The following GOLGA1 variants were observed in gnomAD, a reference collection of about 807,000 sequenced individuals.
GOLGA1 encodes the protein golgin A1, also known as golgin subfamily A member 1.
GOLGA1 carries 63 observed loss-of-function variants against 119.7 expected under a neutral mutation model. That is an observed-to-expected ratio of 0.53 (90% confidence interval 0.43 to 0.65). GOLGA1 has a LOEUF of 0.65. Ranked by LOEUF, GOLGA1 falls within the 30% of genes least tolerant of loss-of-function variation. GOLGA1 has a pLI of 0.00. For synonymous variants in GOLGA1, 318 were observed against 333.4 expected (o/e 0.95, Z 0.50); for missense variants, 798 against 912.8 (o/e 0.87, Z 1.62).
chr9:124,918,010 G>A (rs1221190023), intron 10 of GOLGA1, among the ~76,000 whole-genome samples: 2 of 152,064 alleles, frequency 1.3e-5, no homozygotes, highest in African/African-American at 4.8e-5. Flanking sequence ...GTGCCACCAT[G>A]CCCAGCTAAT....
intron 13 of GOLGA1, 97 bp from the exon 14 acceptor site, chr9:124,899,575 A>C: frequency 5.8e-6 from 7 of 1,207,074 alleles, no homozygotes; most frequent in Non-Finnish European, 7.0e-6. Context: ...ATCCAACAGA[A>C]ACAACTCTCT....
chr9:124,894,380 T>TTGTGTGTGTGTG (rs35289660), intron 15 of GOLGA1, among the ~76,000 whole-genome samples: 1 of 147,722 alleles, frequency 6.8e-6, no homozygotes, highest in Non-Finnish European at 1.5e-5. Flanking sequence ...ATTTAAAGTT[T>TTGTGTGTGTGTG]TGTGTGTGTG....
chr9:124,886,265 G>A (rs1176087266), intron 19 of GOLGA1, among the ~76,000 whole-genome samples: 1 of 152,212 alleles, frequency 6.6e-6, no homozygotes, highest in Non-Finnish European at 1.5e-5. Context: ...AGGGCGCACA[G>A]TGCAGAGAAG....
chr9:124,930,922 G>A (rs1215887151), intron 4 of GOLGA1, among the ~76,000 whole-genome samples: 7 of 152,198 alleles, frequency 4.6e-5, no homozygotes, highest in Non-Finnish European at 1.0e-4. Context: ...GCTGCAGGAA[G>A]TGGCAACACA....
chr9:124,943,807 A>G (rs566974382), upstream of GOLGA1: 9 of 152,300 alleles, frequency 5.9e-5, no homozygotes, highest in African/African-American at 1.7e-4. Flanking sequence ...GGGAAACTCA[A>G]CCTTCCAATG....
At chr9:124,890,298 C>A (rs1352276051) in intron 16 of GOLGA1, 91 bp downstream of exon 16, 40 of 875,080 alleles carry the variant, frequency 4.6e-5, no homozygotes, top group Non-Finnish European at 7.4e-5. Context: ...CCTGGAGAGA[C>A]AGGCCCTCTC....
chr9:124,927,439 G>A (rs1830695846), intron 6 of GOLGA1, among the ~76,000 whole-genome samples: 1 of 152,054 alleles, frequency 6.6e-6, no homozygotes, highest in Admixed American at 6.6e-5. Flanking sequence ...TTTCTGGCTA[G>A]TAAATGTCCT....
intron 5 of GOLGA1, among the ~76,000 whole-genome samples, chr9:124,928,826 C>T (rs1830719427): frequency 6.6e-6 from 1 of 152,084 alleles, no homozygotes; most frequent in Non-Finnish European, 1.5e-5. Context: ...TGATTTATTG[C>T]TGAGGGAGTG....
At chr9:124,895,605 CAG>C (rs1829961433) in intron 15 of GOLGA1, among the ~76,000 whole-genome samples, 2 of 146,968 alleles carry the variant, frequency 1.4e-5, no homozygotes, top group Non-Finnish European at 3.0e-5. Context: ...CCCTCCACGA[CAG>C]AGAGCCTCCA....
chr9:124,916,877 C>CACACAAAAAAAAAAAAAAAAAA (rs1359322100), intron 10 of GOLGA1, among the ~76,000 whole-genome samples: 1 of 41,204 alleles, frequency 2.4e-5, no homozygotes, highest in Non-Finnish European at 4.1e-5. Flanking sequence ...CCCTGACACA[C>CACACAAAAAAAAAAAAAAAAAA]AAAAAAAAAA....
chr9:124,883,075 C>A (rs1328909839), intron 19 of GOLGA1, among the ~76,000 whole-genome samples: 2 of 151,718 alleles, frequency 1.3e-5, no homozygotes, highest in African/African-American at 4.8e-5. Flanking sequence ...TCATCAACAT[C>A]CAGTTTTAGA....
Position 124,888,259 on chromosome 9 carries a change from T to C in GOLGA1, c.1899A>G (p.Lys633=). Residue 633 remains lysine, a synonymous_variant, in exon 19 of 23, where the codon AAA becomes AAG. Transcript: ENST00000373555. The surrounding 1 kb of genome is among the most constrained non-coding windows in gnomAD (Gnocchi z 4.4). ...ATGCAAAAGGCATCCTCACCTTATT[T>C]TTCTCCAGAAGTTGCTGCTCCAAGT... ...KQDLEQQLLE[K]NKTIKQMQQR... 6.2e-7 allele frequency: 1 copy of C among 1,614,096 alleles called. No individual in the cohort carries two copies. The highest frequency in any genetic ancestry group is 8.5e-7 in the Non-Finnish European group (1 of 1,179,958).
Position 124,881,243 on chromosome 9 carries a change from T to G in GOLGA1, c.2151A>C (p.Ile717=). The G allele has an allele frequency of 6.2e-7, 1 of 1,601,628 alleles. No homozygotes were observed. The highest frequency in any genetic ancestry group is 8.6e-7 in the Non-Finnish European group (1 of 1,168,558). ...AGTTCAGCAACACTGACACAGCTTT[T>G]ATAAGATGAAAAGCCTGAAACACAG... is the stretch of plus-strand genomic sequence containing the variant. The part of the protein sequence containing the change: ...SCRESEAFHL[I]KAVSVLLNFS... Residue 717 remains isoleucine (I), a synonymous_variant, in exon 22 of 23, where the codon ATA becomes ATC. Transcript: ENST00000373555. This position sits in a 1 kb window ranked among gnomAD's most constrained non-coding sequence, Gnocchi z 4.9.
At chr9:124,899,177 C>CA (rs1279093732) in intron 14 of GOLGA1, 152 bp downstream of exon 14, 2 of 638,142 alleles carry the variant, frequency 3.1e-6, no homozygotes, top group Non-Finnish European at 5.3e-6. Flanking sequence ...GCCTGGGTGA[C>CA]AGAGTGAGAC....
chr9:124,909,643 G>A (rs1175254984), intron 11 of GOLGA1, among the ~76,000 whole-genome samples: 1 of 150,878 alleles, frequency 6.6e-6, no homozygotes, highest in East Asian at 1.9e-4. Context: ...TGTAGACTTA[G>A]CTGAGATAGC....
At chr9:124,935,779 A>T (rs935208950) in intron 3 of GOLGA1, among the ~76,000 whole-genome samples, 3 of 151,796 alleles carry the variant, frequency 2.0e-5, no homozygotes, top group African/African-American at 7.2e-5. Flanking sequence ...AAAAAAAAAA[A>T]AAGAAAGAAA....
chr9:124,937,402 G>C (rs988388873), intron 3 of GOLGA1, among the ~76,000 whole-genome samples: 1 of 152,028 alleles, frequency 6.6e-6, no homozygotes, highest in South Asian at 2.1e-4. Context: ...GCAGTGAGCC[G>C]AGATTGTGCT....
chr9:124,885,499 AAAG>A (rs1396946006), intron 19 of GOLGA1, among the ~76,000 whole-genome samples: 6 of 151,816 alleles, frequency 4.0e-5, no homozygotes, highest in African/African-American at 1.2e-4. Context: ...AAAAAAAAAA[AAAG>A]AAATCAATAA....
At chr9:124,934,917 C>T (rs1215138272) in intron 3 of GOLGA1, among the ~76,000 whole-genome samples, 1 of 151,996 alleles carries the variant, frequency 6.6e-6, no homozygotes, top group Non-Finnish European at 1.5e-5. Context: ...TGTGGCGGCA[C>T]GTGCCTGTAG....
Sources: allele counts gnomAD v4.1 joint callset (sites outside exome capture counted in the v4.1 genomes callset), GRCh38; gene constraint gnomAD v4.1.1; non-coding constraint Gnocchi (gnomAD v3.1); transcripts MANE v1.5; gene names NCBI Gene and HGNC (gene_info 2026-07-23, HGNC 2026-07-21).